Variants in ADAM12 observed in about 807,000 individuals in gnomAD.
ADAM12 encodes the protein disintegrin and metalloproteinase domain-containing protein 12.
In ADAM12, 70 loss-of-function variants were observed where a neutral mutation model predicts 106.4. That is an observed-to-expected ratio of 0.66 (90% confidence interval 0.54 to 0.80). ADAM12 has a LOEUF of 0.80. ADAM12 is among the 30% of genes least tolerant of loss of function. The pLI is 0.00. For missense variants in ADAM12, 1,010 were observed against 1,171.9 expected (o/e 0.86, Z 2.02); for synonymous variants, 420 against 433.5 (o/e 0.97, Z 0.39).
chr10:126,120,021 G>A (rs990159559), intron 5 of ADAM12, among the ~76,000 whole-genome samples: 7 of 152,128 alleles, frequency 4.6e-5, no homozygotes, highest in African/African-American at 1.4e-4. Context: ...GTTATTTAGC[G>A]AGGTGACCAC....
intron 3 of ADAM12, among the ~76,000 whole-genome samples, chr10:126,228,228 A>C (rs1695960534): frequency 6.6e-6 from 1 of 152,178 alleles, no homozygotes; most frequent in African/African-American, 2.4e-5. Context: ...TGTACCCCCC[A>C]ATATGCCAAC....
chr10:126,189,572 T>G (rs572566379), intron 3 of ADAM12, among the ~76,000 whole-genome samples: 2 of 152,326 alleles, frequency 1.3e-5, no homozygotes, highest in South Asian at 2.1e-4. Context: ...GTGCTAAACA[T>G]GCATTGCCAT....
chr10:126,178,406 ATCTTTTTT>A (rs1293032190), intron 3 of ADAM12, among the ~76,000 whole-genome samples: 1 of 120,862 alleles, frequency 8.3e-6, no homozygotes, highest in African/African-American at 3.6e-5. Context: ...ATTGGAGGAC[ATCTTTTTT>A]TTTTTTTTTT....
intron 3 of ADAM12, among the ~76,000 whole-genome samples, chr10:126,171,502 A>G (rs1957119929): frequency 6.6e-6 from 1 of 152,204 alleles, no homozygotes; most frequent in South Asian, 2.1e-4. Context: ...CTTGGATTGC[A>G]TTTTTAAAAA....
At chr10:126,315,504 G>T (rs2133824080) in intron 2 of ADAM12, among the ~76,000 whole-genome samples, 1 of 152,282 alleles carries the variant, frequency 6.6e-6, no homozygotes, top group Middle Eastern at 3.4e-3. Context: ...GGCAACTGAA[G>T]TATGTGGCAT....
chr10:126,213,973 T>G (rs1437716432), intron 3 of ADAM12, among the ~76,000 whole-genome samples: 1 of 151,966 alleles, frequency 6.6e-6, no homozygotes, highest in East Asian at 1.9e-4. Context: ...GCTACCACTC[T>G]GTAGAAAATA....
Position 126,108,576 on chromosome 10 carries a change from A to T in ADAM12, c.741+17T>A. The T allele has an allele frequency of 1.2e-6, 2 of 1,604,634 alleles. No homozygotes were observed. On this transcript the variant is annotated intron_variant, in intron 8 of 22. Transcript: ENST00000448723. ...TTTACATGATCTGAATGATTTAACTACTGAAAAAGAACTTACCTTGTCAAC... is the reference window on the plus strand; with the variant it reads ...TTTACATGATCTGAATGATTTAACTTCTGAAAAAGAACTTACCTTGTCAAC...
chr10:126,146,259 G>A (rs1427772616), intron 4 of ADAM12, among the ~76,000 whole-genome samples: 1 of 152,182 alleles, frequency 6.6e-6, no homozygotes, highest in African/African-American at 2.4e-5. Flanking sequence ...TCGGCCAGTG[G>A]GACAGCAAAG....
intron 3 of ADAM12, among the ~76,000 whole-genome samples, chr10:126,204,023 T>C (rs1401960622): frequency 6.6e-6 from 1 of 152,202 alleles, no homozygotes; most frequent in East Asian, 1.9e-4. Context: ...GAAGGAATTC[T>C]GCAACAAATT....
At chr10:126,166,465 A>G (rs371896728) in intron 3 of ADAM12, among the ~76,000 whole-genome samples, 4 of 152,000 alleles carry the variant, frequency 2.6e-5, no homozygotes, top group East Asian at 3.9e-4. Flanking sequence ...TTGGATGAGG[A>G]CTTACATACC....
At chr10:126,313,733 G>A (rs952828055) in intron 2 of ADAM12, among the ~76,000 whole-genome samples, 4 of 152,124 alleles carry the variant, frequency 2.6e-5, no homozygotes, top group Admixed American at 2.6e-4. Context: ...AGAAGCTTCT[G>A]TGGTCAACTC....
intron 3 of ADAM12, among the ~76,000 whole-genome samples, chr10:126,194,333 C>T (rs1957559683): frequency 6.8e-6 from 1 of 146,602 alleles, no homozygotes; most frequent in African/African-American, 2.5e-5. Flanking sequence ...CACCTGTGTG[C>T]AGACTAGAGA....
At chr10:126,081,287 G>A (rs1047148160) in intron 11 of ADAM12, among the ~76,000 whole-genome samples, 1 of 152,190 alleles carries the variant, frequency 6.6e-6, no homozygotes, top group Non-Finnish European at 1.5e-5. Flanking sequence ...AGAACAGCTT[G>A]GAGCCGACAT....
intron 2 of ADAM12, among the ~76,000 whole-genome samples, chr10:126,329,976 C>A (rs1177954671): frequency 6.6e-6 from 1 of 152,152 alleles, no homozygotes; most frequent in Non-Finnish European, 1.5e-5. Context: ...AGGCTCAAAT[C>A]AAACATGTCA....
At chr10:126,138,147 C>G (rs1284134931) in intron 4 of ADAM12, among the ~76,000 whole-genome samples, 2 of 152,148 alleles carry the variant, frequency 1.3e-5, no homozygotes, top group Non-Finnish European at 2.9e-5. Flanking sequence ...TTCTTAATCA[C>G]TAATGATGTT....
intron 3 of ADAM12, among the ~76,000 whole-genome samples, chr10:126,233,808 C>T (rs78777225): frequency 6.6e-6 from 1 of 152,154 alleles, no homozygotes; most frequent in African/African-American, 2.4e-5. Context: ...ACTGTAGAAG[C>T]AGTCTTTGAT....
chr10:126,042,084 A>G, intron 18 of ADAM12: 1 of 1,598,370 alleles, frequency 6.3e-7, no homozygotes, highest in Non-Finnish European at 8.5e-7. Flanking sequence ...GGGACGCGTG[A>G]CCTCCTCTGC....
chr10:126,339,847 C>CA (rs1207791907), intron 1 of ADAM12, among the ~76,000 whole-genome samples: 2 of 75,710 alleles, frequency 2.6e-5, no homozygotes, highest in African/African-American at 5.4e-5. Flanking sequence ...CATTCTAGGG[C>CA]TTTTTTTTTT....
intron 12 of ADAM12, among the ~76,000 whole-genome samples, chr10:126,070,227 T>A (rs1954959345): frequency 6.6e-6 from 1 of 152,200 alleles, no homozygotes; most frequent in Non-Finnish European, 1.5e-5. Flanking sequence ...TAGGACTTGC[T>A]CCTACACAGC....
Sources: gnomAD v4.1 joint callset for allele counts (sites outside exome capture counted in the v4.1 genomes callset) on GRCh38, gnomAD v4.1.1 for gene constraint, MANE v1.5 for transcripts, NCBI Gene and HGNC (gene_info 2026-07-23, HGNC 2026-07-21) for gene names.